CNTNAP2: variants seen among roughly 807,000 people sequenced by gnomAD.
CNTNAP2 encodes the protein contactin-associated protein-like 2.
CNTNAP2 carries 98 observed loss-of-function variants against 155.2 expected under a neutral mutation model. That is an observed-to-expected ratio of 0.63 (90% confidence interval 0.54 to 0.75). CNTNAP2 has a LOEUF of 0.75. Ranked by LOEUF, CNTNAP2 falls within the 30% of genes least tolerant of loss-of-function variation. The pLI is 0.00. For synonymous variants in CNTNAP2, 651 were observed against 631.2 expected, an observed-to-expected ratio of 1.03 and a Z score of -0.47; for missense variants, 1,727 against 1,688.1, an observed-to-expected ratio of 1.02 and a Z score of -0.40.
chr7:146,617,707 A>C (rs562754835), intron 1 of CNTNAP2, among the ~76,000 whole-genome samples: 1 of 152,342 alleles, frequency 6.6e-6, no homozygotes, highest in Non-Finnish European at 1.5e-5. Flanking sequence ...TACACAATAA[A>C]ATTTCAAGAA....
intron 1 of CNTNAP2, among the ~76,000 whole-genome samples, chr7:146,484,592 G>T (rs1273016129): frequency 1.7e-4 from 26 of 150,866 alleles, no homozygotes. Flanking sequence ...AGACAAAAAA[G>T]ACATTATACT....
chr7:147,680,696 A>G (rs553666690), intron 13 of CNTNAP2, among the ~76,000 whole-genome samples: 3 of 151,946 alleles, frequency 2.0e-5, no homozygotes, highest in Non-Finnish European at 4.4e-5. Context: ...TTAAGCAAGC[A>G]GACATAAAAA....
intron 13 of CNTNAP2, among the ~76,000 whole-genome samples, chr7:147,867,190 T>C (rs1055181497): frequency 6.6e-6 from 1 of 152,170 alleles, no homozygotes; most frequent in Non-Finnish European, 1.5e-5. Context: ...AAGGATTTTA[T>C]TTCTGCTTCA....
intron 15 of CNTNAP2, among the ~76,000 whole-genome samples, chr7:148,115,784 A>G (rs1306828408): frequency 6.6e-6 from 1 of 152,168 alleles, no homozygotes; most frequent in African/African-American, 2.4e-5. Context: ...CTCCCCAAGA[A>G]GAAAGCAACC....
intron 1 of CNTNAP2, among the ~76,000 whole-genome samples, chr7:146,769,479 C>T (rs1213450004): frequency 3.3e-5 from 5 of 152,144 alleles, no homozygotes; most frequent in Admixed American, 3.3e-4. Context: ...TTGTAATAGT[C>T]AGTATGGCAA....
intron 1 of CNTNAP2, among the ~76,000 whole-genome samples, chr7:146,665,277 TTCTC>T (rs938960184): frequency 6.6e-6 from 1 of 152,136 alleles, no homozygotes; most frequent in Non-Finnish European, 1.5e-5. Context: ...TATCATTCCT[TTCTC>T]TCTCTTTCTG....
chr7:147,549,162 A>G (rs1799800301), intron 11 of CNTNAP2, among the ~76,000 whole-genome samples: 1 of 152,172 alleles, frequency 6.6e-6, no homozygotes, highest in African/African-American at 2.4e-5. Context: ...TTTGATGGGA[A>G]TAGTATTGAA....
rs1805559704 is a variant in CNTNAP2, at chr7:148,162,170, G to A, written c.2774-10072G>A. ...GACAGATGGAAGCAGGAGAGGGGGA[G>A]GGGGAGATACATGAAGATCAGCAGA... On this transcript the variant is annotated intron_variant, in intron 17 of 23. Transcript: ENST00000361727. Among the ~76,000 whole-genome samples the A allele has an allele frequency of 2.6e-5, 4 of 152,168 alleles. 1 individual carries two copies. In the South Asian group the frequency reaches 8.3e-4, roughly 32 times the overall value.
At chr7:146,837,573 G>T (rs1554398882) in intron 2 of CNTNAP2, among the ~76,000 whole-genome samples, 2 of 151,368 alleles carry the variant, frequency 1.3e-5, no homozygotes, top group Non-Finnish European at 2.9e-5. Context: ...TTTCTCTCTG[G>T]TTCTAAGACA....
chr7:146,588,296 A>G (rs535273348), intron 1 of CNTNAP2, among the ~76,000 whole-genome samples: 74 of 152,298 alleles, frequency 4.9e-4, no homozygotes, highest in Non-Finnish European at 7.6e-4. Context: ...GTGGGAATTC[A>G]TAAGAGAGCA....
intron 1 of CNTNAP2, among the ~76,000 whole-genome samples, chr7:146,318,140 C>CAA (rs56687517): frequency 5.5e-4 from 62 of 113,144 alleles, no homozygotes; most frequent in African/African-American, 1.5e-3. Context: ...GACTCCATCT[C>CAA]AAAAAAAAAA....
At chr7:147,730,698 A>G (rs1485606259) in intron 13 of CNTNAP2, among the ~76,000 whole-genome samples, 1 of 152,070 alleles carries the variant, frequency 6.6e-6, no homozygotes. Flanking sequence ...AAAAAGAGTC[A>G]CACATCTGTC....
chr7:147,222,155 TCA>T (rs1803415254), intron 8 of CNTNAP2, among the ~76,000 whole-genome samples: 1 of 152,214 alleles, frequency 6.6e-6, no homozygotes, highest in Admixed American at 6.5e-5. Context: ...GAGAAAGTTC[TCA>T]GTCATTCTTG....
chr7:147,302,436 G>A (rs146025880), intron 9 of CNTNAP2, among the ~76,000 whole-genome samples: 9 of 152,294 alleles, frequency 5.9e-5, no homozygotes, highest in African/African-American at 1.9e-4. Context: ...TTTGAGCCCA[G>A]GAGTCAGGAG....
chr7:146,760,409 C>CTTTTTTTTTTTT lies in CNTNAP2; in HGVS notation c.98-13840_98-13829dup, dbSNP rs532820418. 1.7e-3 allele frequency among the ~76,000 whole-genome samples: 93 copies of CTTTTTTTTTTTT among 56,296 alleles called. 18 individuals are homozygous for CTTTTTTTTTTTT. The highest frequency in any genetic ancestry group is 6.5e-3 in the East Asian group (8 of 1,240). The allele number at this position is 56,296 out of a possible 152,430, so 36.9% of individuals were successfully genotyped here. A position where few individuals can be genotyped will look rare whatever the true frequency, so the allele number is the denominator to read the frequency against. The stretch of plus-strand genomic sequence containing the variant: ...CACCTCTGTATCATCTCCAATTTAC[C>CTTTTTTTTTTTT]TTTTTTTTTTTTTTTTTTTTTTTTT... On this transcript the variant is annotated intron_variant, in intron 1 of 23. Transcript: ENST00000361727.
chr7:148,207,362 G>C (rs1795468654), intron 18 of CNTNAP2, among the ~76,000 whole-genome samples: 1 of 152,198 alleles, frequency 6.6e-6, no homozygotes, highest in African/African-American at 2.4e-5. Context: ...GTACGCGAAG[G>C]AGAATGGCCG....
Position 148,167,498 on chromosome 7 carries a change from G to GA in CNTNAP2, c.2774-4734dup, listed in dbSNP as rs547794012. 2.7e-3 allele frequency among the ~76,000 whole-genome samples: 407 copies of GA among 148,322 alleles called. 5 individuals are homozygous for GA. Among genetic ancestry groups the GA allele is most frequent in the Non-Finnish European group, 3.4e-3 (226 of 66,834 alleles). ...ATGTTACACCCAGTTAAAAGAGGGA[G>GA]AAAAAAAAAAGTCAGACATCGGTGC... On this transcript the variant is annotated intron_variant, in intron 17 of 23. Coordinates refer to ENST00000361727, the MANE Select transcript of CNTNAP2 (RefSeq NM_014141.6).
chr7:148,181,332 T>A (rs1795035194), intron 18 of CNTNAP2, among the ~76,000 whole-genome samples: 2 of 152,086 alleles, frequency 1.3e-5, no homozygotes, highest in Non-Finnish European at 2.9e-5. Flanking sequence ...ATGAAAATAA[T>A]CTGATTAAAA....
intron 1 of CNTNAP2, among the ~76,000 whole-genome samples, chr7:146,289,696 C>T (rs1468177168): frequency 2.0e-5 from 3 of 152,096 alleles, no homozygotes; most frequent in Admixed American, 2.0e-4. Flanking sequence ...TTAATTTACT[C>T]TTTTATCAGA....
Sources: gnomAD v4.1 joint callset for allele counts (sites outside exome capture counted in the v4.1 genomes callset) on GRCh38, gnomAD v4.1.1 for gene constraint, MANE v1.5 for transcripts, NCBI Gene and HGNC (gene_info 2026-07-23, HGNC 2026-07-21) for gene names.